TOX: variants seen among roughly 807,000 people sequenced by gnomAD.
TOX encodes the protein thymocyte selection associated high mobility group box.
Under a neutral mutation model 53.7 loss-of-function variants are expected in TOX, and 11 were observed. The ratio of observed to expected loss-of-function variants is 0.20; its 90% confidence interval spans 0.13 to 0.34. TOX has a LOEUF of 0.34. Ranked by LOEUF, TOX falls within the 10% of genes least tolerant of loss-of-function variation. The pLI is 1.00. For missense variants in TOX, 570 were observed against 664.6 expected (o/e 0.86, Z 1.56); for synonymous variants, 225 against 245.3 (o/e 0.92, Z 0.77).
At chr8:59,113,917 C>T (rs1805061356) in intron 1 of TOX, among the ~76,000 whole-genome samples, 1 of 152,112 alleles carries the variant, frequency 6.6e-6, no homozygotes, top group Admixed American at 6.5e-5. Context: ...AATAAATCAC[C>T]CTTCACAGCT....
Position 59,117,719 on chromosome 8 carries a change from A to G in TOX, c.102+1167T>C, listed in dbSNP as rs1282924434. ...GAGTCCCAACGATTTTTCCCGTGGAATGCACCGAGGGTCGCCATGGATGTG... is the reference window on the plus strand; with the variant it reads ...GAGTCCCAACGATTTTTCCCGTGGAGTGCACCGAGGGTCGCCATGGATGTG... On this transcript the variant is annotated intron_variant, in intron 1 of 8. Coordinates refer to ENST00000361421, the MANE Select transcript of TOX (RefSeq NM_014729.3). This position sits in a 1 kb window ranked among gnomAD's most constrained non-coding sequence, Gnocchi z 4.6. Among the ~76,000 whole-genome samples, 1 of 152,248 alleles carries G rather than the reference A, an allele frequency of 6.6e-6. No homozygotes were observed. The highest frequency in any genetic ancestry group is 1.5e-5 in the Non-Finnish European group (1 of 68,042).
At chr8:58,912,084 A>G (rs1379915780) in intron 3 of TOX, among the ~76,000 whole-genome samples, 2 of 152,242 alleles carry the variant, frequency 1.3e-5, no homozygotes, top group East Asian at 3.8e-4. Context: ...TTCAGAGAGT[A>G]CCACTGAAAT....
At position 59,098,062 on chromosome 8, in the gene TOX, T is replaced by TA. The variant is rs1334550698; in HGVS notation, c.102+20823dup. Among the ~76,000 whole-genome samples the TA allele has an allele frequency of 9.9e-4, 146 of 147,768 alleles. 1 individual carries two copies. Among genetic ancestry groups the TA allele is most frequent in the East Asian group, 7.5e-3 (38 of 5,094 alleles). The stretch of plus-strand genomic sequence containing the variant: ...AATATGATCTTGTTGCAACTCATGT[T>TA]AAAAAAAAAAATCCAAGAGTGACAA... On this transcript the variant is annotated intron_variant, in intron 1 of 8. Transcript: ENST00000361421.
chr8:59,024,766 A>C (rs1182745630), intron 1 of TOX, among the ~76,000 whole-genome samples: 2 of 152,134 alleles, frequency 1.3e-5, no homozygotes, highest in East Asian at 1.9e-4. Context: ...GAAAAAAAAA[A>C]GTGTCTGAGC....
intron 3 of TOX, among the ~76,000 whole-genome samples, chr8:58,915,449 C>A (rs1383979115): frequency 1.9e-5 from 2 of 106,296 alleles, no homozygotes; most frequent in African/African-American, 7.7e-5. Flanking sequence ...CACACTGACA[C>A]CTCACACGGC....
chr8:58,901,858 C>T (rs1389793056), intron 3 of TOX, among the ~76,000 whole-genome samples: 2 of 152,012 alleles, frequency 1.3e-5, no homozygotes, highest in Non-Finnish European at 2.9e-5. Flanking sequence ...TTTAAAGTAG[C>T]CTGGACAGAC....
At chr8:58,966,938 G>A (rs1172634584) in intron 1 of TOX, among the ~76,000 whole-genome samples, 14 of 146,438 alleles carry the variant, frequency 9.6e-5, no homozygotes, top group Admixed American at 5.5e-4. Flanking sequence ...GCAGTGGCAC[G>A]ATCTTGGCTC....
intron 3 of TOX, among the ~76,000 whole-genome samples, chr8:58,882,411 T>A (rs899840232): frequency 1.3e-5 from 2 of 152,226 alleles, no homozygotes; most frequent in Admixed American, 1.3e-4. Flanking sequence ...TGAGAAGCAT[T>A]TCTTAGTGGT....
intron 1 of TOX, among the ~76,000 whole-genome samples, chr8:59,113,727 G>A (rs1198236504): frequency 2.0e-5 from 3 of 152,038 alleles, no homozygotes; most frequent in Non-Finnish European, 4.4e-5. Flanking sequence ...GGAGTGGCTG[G>A]GAAATGGGTA....
At chr8:58,928,647 C>T (rs201377961) in intron 3 of TOX, among the ~76,000 whole-genome samples, 1 of 141,768 alleles carries the variant, frequency 7.1e-6, no homozygotes, top group African/African-American at 2.7e-5. Context: ...TATATATATA[C>T]ACACACATCA....
chr8:58,982,807 A>G (rs1306042790), intron 1 of TOX, among the ~76,000 whole-genome samples: 1 of 152,130 alleles, frequency 6.6e-6, no homozygotes, highest in Non-Finnish European at 1.5e-5. Flanking sequence ...CCTCAAAAAT[A>G]TGCCCTGGCT....
At position 58,971,259 on chromosome 8, in the gene TOX, G is replaced by A. The variant is rs80315451; in HGVS notation, c.103-11251C>T. 3.6e-4 allele frequency among the ~76,000 whole-genome samples: 55 copies of A among 152,368 alleles called. No homozygotes were observed. The East Asian group carries it at 8.1e-3, about 22-fold the overall frequency. The stretch of plus-strand genomic sequence containing the variant: ...AACGACTAGAATGGCAGACACTGCC[G>A]TTCTTTCCTTCCCATCGCCCACATG... On this transcript the variant is annotated intron_variant, in intron 1 of 8. Transcript: ENST00000361421.
intron 2 of TOX, among the ~76,000 whole-genome samples, chr8:58,953,526 T>C (rs74792366): frequency 0.1 from 15,960 of 152,196 alleles, 1,068 homozygotes; most frequent in Non-Finnish European, 0.16. Flanking sequence ...TCATTTCCCA[T>C]TGAAAACTCA....
chr8:59,110,412 G>A (rs1336650077), intron 1 of TOX, among the ~76,000 whole-genome samples: 6 of 152,026 alleles, frequency 3.9e-5, no homozygotes, highest in Admixed American at 2.6e-4. Flanking sequence ...ACACTAATGC[G>A]TATAACACTT....
chr8:58,929,734 G>A (rs1812228732), intron 3 of TOX, among the ~76,000 whole-genome samples: 1 of 152,010 alleles, frequency 6.6e-6, no homozygotes. Context: ...TCAAAGACAT[G>A]GCAAGCTGAG....
intron 1 of TOX, among the ~76,000 whole-genome samples, chr8:58,961,597 A>T (rs1812798429): frequency 6.6e-6 from 1 of 151,354 alleles, no homozygotes; most frequent in African/African-American, 2.4e-5. Context: ...GCGCGATCGC[A>T]GCTCACTGCA....
At chr8:59,005,050 T>C (rs1813762651) in intron 1 of TOX, among the ~76,000 whole-genome samples, 1 of 152,142 alleles carries the variant, frequency 6.6e-6, no homozygotes. Flanking sequence ...TTTTCTTTTT[T>C]TTTTTTGAGA....
chr8:59,077,399 T>C (rs539134387), intron 1 of TOX, among the ~76,000 whole-genome samples: 2 of 152,300 alleles, frequency 1.3e-5, no homozygotes, highest in Non-Finnish European at 2.9e-5. Context: ...TAGAGTGTCT[T>C]CTTAGGTTAG....
chr8:58,931,960 T>C (rs1235788271), intron 3 of TOX, among the ~76,000 whole-genome samples: 2 of 152,170 alleles, frequency 1.3e-5, no homozygotes, highest in Non-Finnish European at 2.9e-5. Context: ...AGAACTCTAG[T>C]TTGGGATAAT....
Sources: gnomAD v4.1 joint callset for allele counts (sites outside exome capture counted in the v4.1 genomes callset) on GRCh38, gnomAD v4.1.1 for gene constraint, Gnocchi (gnomAD v3.1) non-coding constraint, MANE v1.5 for transcripts, NCBI Gene and HGNC (gene_info 2026-07-23, HGNC 2026-07-21) for gene names.